SRRM2: variants seen among roughly 807,000 people sequenced by gnomAD.
SRRM2 encodes serine/arginine repetitive matrix 2.
A neutral mutation model predicts 213.8 loss-of-function variants in SRRM2; 30 were observed. That is an observed-to-expected ratio of 0.14 (90% CI 0.10 to 0.19). The LOEUF (loss-of-function observed/expected upper bound fraction) is 0.19, where lower values mean the gene tolerates loss of function less well. Ranked by LOEUF, SRRM2 falls within the 10% of genes least tolerant of loss-of-function variation. The pLI is 1.00. For synonymous variants in SRRM2, 2,025 were observed against 1,377.7 expected, an observed-to-expected ratio of 1.47 and a Z score of -10.40; for missense variants, 4,904 against 3,647.0, an observed-to-expected ratio of 1.34 and a Z score of -8.88.
intron 12 of SRRM2, 59 bp from the exon 13 acceptor site, chr16:2,770,293 A>C: frequency 6.7e-7 from 1 of 1,500,412 alleles, no homozygotes; most frequent in Non-Finnish European, 8.9e-7. Context: ...GGTGGTCCTG[A>C]GTGCTGGCCC....
At position 2,767,898 on chromosome 16, in the gene SRRM2, A is replaced by G; in HGVS notation, c.7370A>G (p.Asp2457Gly). The G allele has an allele frequency of 6.2e-7, 1 of 1,613,848 alleles. No homozygotes were observed. Among genetic ancestry groups the G allele is most frequent in the Non-Finnish European group, 8.5e-7 (1 of 1,179,946 alleles). ...TCTCCTGTGCCTTCTGCTTTTTCAG[A>G]CCAATCCCGTTGTTTGATTGCCCAG... ...PRSPVPSAFSDQSRCLIAQTT... is the reference protein window; with the variant it reads ...PRSPVPSAFSGQSRCLIAQTT... Residue 2457 changes from aspartate to glycine, a missense_variant, in exon 11 of 15, where the codon GAC (aspartate) becomes GGC (glycine). Asp to Gly is a moderately conservative substitution (Grantham distance 94). Transcript: ENST00000301740.
Position 2,756,276 on chromosome 16 carries a change from C to T in SRRM2, c.-31-58C>T, listed in dbSNP as rs962540653. ...GGAGAGCAGGGACTTGGGTGTGGGG[C>T]GGTAAGTGGTTAGTTTGGGGCCAGG... is the stretch of plus-strand genomic sequence containing the variant. On this transcript the variant is annotated intron_variant, in intron 1 of 14. Transcript: ENST00000301740. 58 of 1,408,406 alleles carry T rather than the reference C, an allele frequency of 4.1e-5. 1 individual carries two copies. Among genetic ancestry groups the T allele is most frequent in the African/African-American group, 8.7e-5 (6 of 69,296 alleles). The allele number at this position is 1,408,406 out of a possible 1,614,324, so 87.2% of individuals were successfully genotyped here. A position where few individuals can be genotyped will look rare whatever the true frequency, so the allele number is the denominator to read the frequency against.
At position 2,765,487 on chromosome 16, in the gene SRRM2, C is replaced by T. The variant is rs763893484; in HGVS notation, c.4959C>T (p.Ser1653=). ...GAGGCCCTTCTCCTGAAGGAAGCAG[C>T]AGTACCGAGTCCTCTCCTGAACATC... ...KGRGPSPEGS[S]STESSPEHPP... The change falls in exon 11 of 15, where the codon AGC becomes AGT. Residue 1653 remains serine, a synonymous_variant. Coordinates refer to ENST00000301740, the MANE Select transcript of SRRM2 (RefSeq NM_016333.4). 5 of 1,614,078 alleles carry T rather than the reference C, an allele frequency of 3.1e-6. No homozygotes were observed. In the African/African-American group the frequency reaches 4.0e-5, roughly 13 times the overall value.
rs1306227473 is a variant in SRRM2 at position 2,771,104 on chromosome 16, G to T, written c.*237G>T. The T allele has an allele frequency of 1.5e-5, 8 of 522,480 alleles. No individual in the cohort carries two copies. Among genetic ancestry groups the T allele is most frequent in the Admixed American group, 3.2e-5 (1 of 31,044 alleles). 32.4% of individuals were successfully genotyped at this position (522,480 alleles called of 1,614,324 possible). A position where few individuals can be genotyped will look rare whatever the true frequency, so the allele number is the denominator to read the frequency against. Reference sequence around the variant, plus strand: ...GGGGTTTGGGGTGGGAGGGAATGCAGATGGGAGTTGGGGGAGGGGAGGATA... The same window carrying T: ...GGGGTTTGGGGTGGGAGGGAATGCATATGGGAGTTGGGGGAGGGGAGGATA... On this transcript the variant is annotated 3_prime_UTR_variant, in exon 15 of 15. Coordinates refer to ENST00000301740, the MANE Select transcript of SRRM2 (RefSeq NM_016333.4).
At chr16:2,755,423 G>A (rs893715812) in intron 1 of SRRM2, among the ~76,000 whole-genome samples, 1 of 152,156 alleles carries the variant, frequency 6.6e-6, no homozygotes. Context: ...ATAGATTTAG[G>A]GCAAGGTATA....
At position 2,766,966 on chromosome 16, in the gene SRRM2, G is replaced by C. The variant is rs1482061802; in HGVS notation, c.6438G>C (p.Met2146Ile). 6.2e-7 allele frequency: 1 copy of C among 1,614,030 alleles called. No individual in the cohort carries two copies. Among genetic ancestry groups the C allele is most frequent in the Non-Finnish European group, 8.5e-7 (1 of 1,180,036 alleles). ...CCCTTGGCAGCTCTAGAACACCCAT[G>C]TCTGTCCTGCAGCAAGCCGGCGGCT... The part of the protein sequence containing the change: ...LEPLGSSRTP[M>I]SVLQQAGGSM... The change falls in exon 11 of 15, where the codon ATG becomes ATC. Residue 2146 changes from methionine to isoleucine, a missense_variant. Transcript: ENST00000301740. This position sits in a 1 kb window ranked among gnomAD's most constrained non-coding sequence, Gnocchi z 7.0.
In SRRM2 at chr16:2,766,610, C is replaced by T. The variant is rs772513417; in HGVS notation, c.6082C>T (p.Arg2028Cys). ...SRSRTPPAIR[R>C]RSRSRTPLLP... ...GTCCCGGACACCTCCAGCTATTCGG[C>T]GCCGCTCTAGATCTCGAACGCCACT... Residue 2028 changes from arginine to cysteine, a missense_variant, in exon 11 of 15, where the codon CGC becomes TGC. Arg to Cys is a radical substitution (Grantham distance 180). Transcript: ENST00000301740. The surrounding 1 kb of genome is among the most constrained non-coding windows in gnomAD (Gnocchi z 7.0). 19 of 1,613,148 alleles carry T rather than the reference C, an allele frequency of 1.2e-5. 1 individual carries two copies. Among genetic ancestry groups the T allele is most frequent in the Middle Eastern group, 1.6e-4 (1 of 6,082 alleles).
rs746386038 is a variant in SRRM2 at position 2,765,066 on chromosome 16, A to C, written c.4538A>C (p.Gln1513Pro). The C allele has an allele frequency of 6.2e-7, 1 of 1,614,094 alleles. No homozygotes were observed. The highest frequency in any genetic ancestry group is 1.1e-5 in the South Asian group (1 of 91,080). The change falls in exon 11 of 15, where the codon CAG (glutamine) becomes CCG (proline). Residue 1513 changes from glutamine (Q) to proline (P), a missense_variant. Coordinates refer to ENST00000301740, the MANE Select transcript of SRRM2 (RefSeq NM_016333.4). The stretch of plus-strand genomic sequence containing the variant: ...CTCAACAACAAGTGTCTTACCCCCC[A>C]GAGAGAAAGAAGCGGGTCAGAATCA... ...PELNNKCLTP[Q>P]RERSGSESSV...
At chr16:2,770,136 C>A in intron 12 of SRRM2, 1 of 1,427,802 alleles carries the variant, frequency 7.0e-7, no homozygotes, top group Non-Finnish European at 9.2e-7. Context: ...CAGGGACTGT[C>A]TTTATCTTTG....
rs1400213388 is a variant in SRRM2, at chr16:2,756,372, A to G, written c.8A>G (p.Asn3Ser). The change falls in exon 2 of 15, where the codon AAC becomes AGC. Residue 3 changes from asparagine (N) to serine (S), a missense_variant. Transcript: ENST00000301740. MY[N>S]GIGLPTPRGS... ...CCCCCCGGGCACGGGGCCATGTACA[A>G]CGGGATCGGGCTGCCGACGCCCCGG... The G allele has an allele frequency of 1.9e-6, 3 of 1,604,060 alleles. No individual in the cohort carries two copies. Among genetic ancestry groups the G allele is most frequent in the Non-Finnish European group, 2.5e-6 (3 of 1,177,124 alleles).
At chr16:2,758,425 T>A (rs749549445) in intron 4 of SRRM2, 45 bp from the exon 5 acceptor site, 1 of 1,452,624 alleles carries the variant, frequency 6.9e-7, no homozygotes, top group Non-Finnish European at 9.6e-7. Flanking sequence ...AAGAAAGGAA[T>A]GTTTGTTCTA....
intron 1 of SRRM2, among the ~76,000 whole-genome samples, chr16:2,753,047 C>G (rs2067990073): frequency 6.7e-6 from 1 of 149,768 alleles, no homozygotes; most frequent in Admixed American, 6.6e-5. Flanking sequence ...CCCCCCCCCG[C>G]CCCTCCCCCA....
intron 1 of SRRM2, among the ~76,000 whole-genome samples, chr16:2,755,061 C>T (rs1402362442): frequency 1.3e-5 from 2 of 152,220 alleles, no homozygotes; most frequent in South Asian, 2.1e-4. Flanking sequence ...CTCCGCTTTA[C>T]GTATTCCTTA....
At chr16:2,758,020 C>G in intron 4 of SRRM2, 75 bp downstream of exon 4, 1 of 1,511,754 alleles carries the variant, frequency 6.6e-7, no homozygotes, top group Admixed American at 2.2e-5. Flanking sequence ...TGTCTTTTTG[C>G]GGGCTGGTTT....
rs745634148 is a variant in SRRM2 at position 2,762,717 on chromosome 16, G to A, written c.2189G>A (p.Arg730Gln). Residue 730 changes from arginine (R) to glutamine (Q), a missense_variant, in exon 11 of 15, where the codon CGG becomes CAG. Physicochemically the swap from Arg to Gln is conservative, Grantham distance 43. Coordinates refer to ENST00000301740, the MANE Select transcript of SRRM2 (RefSeq NM_016333.4). ...GGCAGATCTGGCTCATCTTCAGAGC[G>A]GAAAAACAAATCCAGAACATCTCAA... The part of the protein sequence containing the change: ...RRGRSGSSSE[R>Q]KNKSRTSQRR... The A allele has an allele frequency of 3.5e-5, 56 of 1,614,046 alleles. No homozygotes were observed. The highest frequency in any genetic ancestry group is 4.5e-5 in the Non-Finnish European group (53 of 1,180,030).
chr16:2,767,481 C>T lies in SRRM2; in HGVS notation c.6953C>T (p.Pro2318Leu), dbSNP rs758601130. 1 of 1,614,198 alleles carries T rather than the reference C, an allele frequency of 6.2e-7. No individual in the cohort carries two copies. Among genetic ancestry groups the T allele is most frequent in the Non-Finnish European group, 8.5e-7 (1 of 1,180,010 alleles). The change falls in exon 11 of 15, where the codon CCA becomes CTA. Residue 2318 changes from proline (P) to leucine (L), a missense_variant. By Grantham distance (98) the Pro-to-Leu change is moderately conservative. Coordinates refer to ENST00000301740, the MANE Select transcript of SRRM2 (RefSeq NM_016333.4). ...AGTCTCACAGGCTCTGGCACACCAC[C>T]AACTGCTGCAAACTATCCCTCCAGC... Reference protein sequence around the residue: ...ALSLTGSGTPPTAANYPSSSR... With the variant: ...ALSLTGSGTPLTAANYPSSSR...
Position 2,764,796 on chromosome 16 carries a change from C to T in SRRM2, c.4268C>T (p.Ser1423Phe), listed in dbSNP as rs919379327. The part of the protein sequence containing the change: ...TPSRERSSSA[S>F]SPEMKDGLPR... ...TCGAGAGAAAGAAGTAGTTCTGCATCTTCTCCTGAAATGAAAGATGGTTTA... is the reference window on the plus strand; with the variant it reads ...TCGAGAGAAAGAAGTAGTTCTGCATTTTCTCCTGAAATGAAAGATGGTTTA... Residue 1423 changes from serine to phenylalanine, a missense_variant, in exon 11 of 15, where the codon TCT becomes TTT. Transcript: ENST00000301740. 6.2e-7 allele frequency: 1 copy of T among 1,614,206 alleles called. No homozygotes were observed. Among genetic ancestry groups the T allele is most frequent in the Non-Finnish European group, 8.5e-7 (1 of 1,180,042 alleles).
intron 9 of SRRM2, 137 bp from the exon 10 acceptor site, chr16:2,760,164 T>G (rs530699925): frequency 2.5e-6 from 2 of 793,670 alleles, no homozygotes; most frequent in Admixed American, 4.6e-5. Flanking sequence ...AGTGAATGAT[T>G]TGAGTTGTGC....
chr16:2,761,901 C>A lies in SRRM2; in HGVS notation c.1373C>A (p.Thr458Lys). The A allele has an allele frequency of 6.2e-7, 1 of 1,613,642 alleles. No individual in the cohort carries two copies. The highest frequency in any genetic ancestry group is 8.5e-7 in the Non-Finnish European group (1 of 1,180,036). Residue 458 changes from threonine (T) to lysine (K), a missense_variant, in exon 11 of 15, where the codon ACA becomes AAA. Thr to Lys is a moderately conservative substitution (Grantham distance 78, BLOSUM62 -1). Transcript: ENST00000301740. ...GSHREISSSPTSKNRSHGRAK... is the reference protein window; with the variant it reads ...GSHREISSSPKSKNRSHGRAK... ...CACCGAGAGATTTCTTCTTCTCCCA[C>A]ATCTAAGAATCGCTCACATGGCCGA...
Sources: allele counts gnomAD v4.1 joint callset (sites outside exome capture counted in the v4.1 genomes callset), GRCh38; gene constraint gnomAD v4.1.1; non-coding constraint Gnocchi (gnomAD v3.1); transcripts MANE v1.5; gene names NCBI Gene and HGNC (gene_info 2026-07-23, HGNC 2026-07-21).